Variants in TENM2 observed in about 807,000 individuals in gnomAD.
TENM2 encodes the protein teneurin transmembrane protein 2, also known as teneurin-2.
A neutral mutation model predicts 245.2 loss-of-function variants in TENM2; 52 were observed. The observed-to-expected ratio is 0.21, with a 90% CI of 0.17 to 0.27. TENM2 has a LOEUF of 0.27. TENM2 is among the 10% of genes least tolerant of loss of function. TENM2 has a pLI of 1.00. For synonymous variants in TENM2, 1,363 were observed against 1,438.9 expected (o/e 0.95, Z 1.19); for missense variants, 3,046 against 3,666.8 (o/e 0.83, Z 4.37).
chr5:167,241,707 C>G, the TENM2 span, among the ~76,000 whole-genome samples: 2 of 152,234 alleles, frequency 1.3e-5, no homozygotes, highest in Admixed American at 6.5e-5. Context: ...ACATGGGTAT[C>G]TTTTGAGGCC....
intron 5 of TENM2, among the ~76,000 whole-genome samples, chr5:168,027,238 T>C (rs182801322): frequency 5.1e-4 from 78 of 152,210 alleles, no homozygotes; most frequent in African/African-American, 1.7e-3. Flanking sequence ...GCAAGGACTC[T>C]GAAGGTCAAC....
intron 4 of TENM2, among the ~76,000 whole-genome samples, chr5:167,984,590 G>T (rs537231702): frequency 2.6e-5 from 4 of 152,288 alleles, no homozygotes; most frequent in African/African-American, 9.6e-5. Context: ...GGGAGGTGGA[G>T]GTTGCAGTGA....
the TENM2 span, among the ~76,000 whole-genome samples, chr5:167,231,167 G>A: frequency 5.3e-5 from 8 of 152,172 alleles, no homozygotes; most frequent in African/African-American, 1.2e-4. Context: ...CTTCATGGCA[G>A]CATGAGAATG....
intron 3 of TENM2, among the ~76,000 whole-genome samples, chr5:167,893,213 G>C (rs1774904326): frequency 6.6e-6 from 1 of 152,118 alleles, no homozygotes; most frequent in Non-Finnish European, 1.5e-5. Context: ...TAGCTATTCA[G>C]GCCAAAGAGT....
intron 2 of TENM2, among the ~76,000 whole-genome samples, chr5:167,836,073 G>A (rs547547829): frequency 5.1e-4 from 78 of 152,264 alleles, no homozygotes; most frequent in African/African-American, 1.7e-3. Context: ...AAGGAAGAAA[G>A]AGTTACTTTC....
At chr5:168,199,172 G>T in intron 16 of TENM2, 58 bp downstream of exon 18, 1 of 1,544,738 alleles carries the variant, frequency 6.5e-7, no homozygotes, top group South Asian at 1.2e-5. Flanking sequence ...AAACCAACTG[G>T]ACACTGCCTC....
chr5:167,244,759 G>A, the TENM2 span, among the ~76,000 whole-genome samples: 1 of 152,152 alleles, frequency 6.6e-6, no homozygotes, highest in Non-Finnish European at 1.5e-5. Flanking sequence ...AGTCTCCCAA[G>A]GGGTAGAGAG....
At chr5:167,848,667 T>G (rs1319848433) in intron 2 of TENM2, among the ~76,000 whole-genome samples, 1 of 152,222 alleles carries the variant, frequency 6.6e-6, no homozygotes, top group African/African-American at 2.4e-5. Context: ...TAAGCACTTT[T>G]TCTCCTTGGG....
chr5:167,759,310 G>A (rs1337065266), intron 2 of TENM2, among the ~76,000 whole-genome samples: 2 of 151,942 alleles, frequency 1.3e-5, no homozygotes, highest in Non-Finnish European at 2.9e-5. Context: ...GCACATATGA[G>A]GGTGTTAAAT....
Position 167,742,024 on chromosome 5 carries a change from A to G in TENM2, c.503-133962A>G, listed in dbSNP as rs1337915859. Among the ~76,000 whole-genome samples, 3 of 152,176 alleles carry G rather than the reference A, an allele frequency of 2.0e-5. No homozygotes were observed. In the South Asian group the frequency reaches 6.2e-4, roughly 32 times the overall value. On this transcript the variant is annotated intron_variant, in intron 2 of 28. Transcript: ENST00000518659. ...TCAAGTCCCTCTTTCTTCAAAGACA[A>G]CCTCCTACCTGTATCTTGCAGATTA...
intron 27 of TENM2, among the ~76,000 whole-genome samples, chr5:168,257,239 C>G (rs931625811): frequency 6.8e-6 from 1 of 146,640 alleles, no homozygotes; most frequent in Non-Finnish European, 1.5e-5. Context: ...TTTGGGGGGA[C>G]ATGAGCAAGG....
the TENM2 span, among the ~76,000 whole-genome samples, chr5:167,216,636 A>C: frequency 6.6e-6 from 1 of 152,198 alleles, no homozygotes; most frequent in Non-Finnish European, 1.5e-5. Context: ...TCATTAAAAA[A>C]TTACTGGGGG....
chr5:167,276,360 G>A, the TENM2 span, among the ~76,000 whole-genome samples: 6,267 of 128,820 alleles, frequency 0.049, 247 homozygotes, highest in East Asian at 0.19. Context: ...TTTTGTGTGT[G>A]TGTGTGTGTG....
intron 2 of TENM2, among the ~76,000 whole-genome samples, chr5:167,820,245 G>A (rs774879330): frequency 2.6e-5 from 4 of 152,184 alleles, no homozygotes; most frequent in Non-Finnish European, 5.9e-5. Flanking sequence ...AGGGAAGAGA[G>A]GGGGAGAAAT....
chr5:167,092,586 A>G, the TENM2 span, among the ~76,000 whole-genome samples: 1 of 152,102 alleles, frequency 6.6e-6, no homozygotes, highest in Non-Finnish European at 1.5e-5. Context: ...ATCTCCCTAA[A>G]TTTTCGCCCT....
chr5:168,154,004 G>C (rs1254570909), intron 12 of TENM2, among the ~76,000 whole-genome samples: 1 of 152,078 alleles, frequency 6.6e-6, no homozygotes, highest in Non-Finnish European at 1.5e-5. Context: ...GGAAAGCACA[G>C]GCCAGGCTGG....
At chr5:167,618,733 A>G (rs1405525073) in intron 2 of TENM2, among the ~76,000 whole-genome samples, 1 of 152,004 alleles carries the variant, frequency 6.6e-6, no homozygotes. Context: ...TTGTCAAGCA[A>G]CCTGTTTTTT....
chr5:167,032,428 G>A, the TENM2 span, among the ~76,000 whole-genome samples: 1 of 152,266 alleles, frequency 6.6e-6, no homozygotes, highest in African/African-American at 2.4e-5. Context: ...ATTTTTGAAG[G>A]GGGTGAGAAA....
At chr5:167,919,294 G>A (rs1025985209) in intron 3 of TENM2, among the ~76,000 whole-genome samples, 2 of 152,094 alleles carry the variant, frequency 1.3e-5, no homozygotes, top group African/African-American at 4.8e-5. Context: ...AGAGTGTGGT[G>A]GGGTCCCTCA....
Sources: gnomAD v4.1 joint callset for allele counts (sites outside exome capture counted in the v4.1 genomes callset) on GRCh38, gnomAD v4.1.1 for gene constraint, MANE v1.5 for transcripts, NCBI Gene and HGNC (gene_info 2026-07-23, HGNC 2026-07-21) for gene names.